CENPP: variants seen among roughly 807,000 people sequenced by gnomAD.
CENPP encodes centromere protein P.
In CENPP, 24 loss-of-function variants were observed where a neutral mutation model predicts 35.6. The ratio of observed to expected loss-of-function variants is 0.67; its 90% confidence interval spans 0.49 to 0.95. The LOEUF is 0.95. Ranked by LOEUF, CENPP falls within the 40% of genes least tolerant of loss-of-function variation. The pLI, the probability that CENPP is intolerant of heterozygous loss-of-function variation, is 0.00. For synonymous variants in CENPP, 120 were observed against 125.5 expected, an observed-to-expected ratio of 0.96 and a Z score of 0.29; for missense variants, 332 against 345.3, an observed-to-expected ratio of 0.96 and a Z score of 0.31.
chr9:92,361,284 G>A (rs1214686381), intron 4 of CENPP, among the ~76,000 whole-genome samples: 2 of 151,204 alleles, frequency 1.3e-5, no homozygotes, highest in Non-Finnish European at 2.9e-5. Flanking sequence ...GGGACTACAG[G>A]CACATGCCAC....
intron 4 of CENPP, among the ~76,000 whole-genome samples, chr9:92,350,847 TTC>T (rs766394053): frequency 5.3e-5 from 8 of 152,186 alleles, no homozygotes; most frequent in Non-Finnish European, 1.2e-4. Flanking sequence ...GGTTTTTTTG[TTC>T]ACTATTGCCC....
intron 5 of CENPP, among the ~76,000 whole-genome samples, chr9:92,450,298 A>G (rs528211351): frequency 2.5e-4 from 32 of 128,000 alleles, no homozygotes; most frequent in African/African-American, 7.9e-4. Flanking sequence ...TCCTGTGTCC[A>G]TGTGTTCTCA....
chr9:92,533,329 ATATATAT>A lies in CENPP; in HGVS notation c.565-77984_565-77978del, dbSNP rs1459844036. The stretch of plus-strand genomic sequence containing the variant: ...AAAAAAAAAAAAAAAAAAAAAAAAA[ATATATAT>A]ATATATATATATATATATATATGCT... On this transcript the variant is annotated intron_variant, in intron 5 of 7. Coordinates refer to ENST00000375587, the MANE Select transcript of CENPP (RefSeq NM_001012267.3). Among the ~76,000 whole-genome samples the A allele has an allele frequency of 2.2e-3, 97 of 43,530 alleles. 4 individuals carry two copies. The East Asian group carries it at 0.027, about 12-fold the overall frequency. 28.6% of individuals were successfully genotyped at this position (43,530 alleles called of 152,430 possible).
chr9:92,428,017 A>G (rs1844011663), intron 5 of CENPP, among the ~76,000 whole-genome samples: 1 of 152,156 alleles, frequency 6.6e-6, no homozygotes, highest in East Asian at 1.9e-4. Context: ...TCTAAATGGA[A>G]TCAAGTTTGT....
At chr9:92,523,030 G>T in intron 5 of CENPP, 3 of 819,346 alleles carry the variant, frequency 3.7e-6, no homozygotes, top group South Asian at 2.1e-5. Context: ...ATATGCTATA[G>T]TATTATTGCC....
chr9:92,334,821 A>G (rs1399295840), intron 2 of CENPP, among the ~76,000 whole-genome samples: 1 of 150,674 alleles, frequency 6.6e-6, no homozygotes, highest in African/African-American at 2.4e-5. Context: ...CGGAGGTTGC[A>G]GTGAGCTGAG....
chr9:92,462,305 G>A (rs2131049048), intron 5 of CENPP, among the ~76,000 whole-genome samples: 1 of 152,246 alleles, frequency 6.6e-6, no homozygotes, highest in East Asian at 1.9e-4. Context: ...AGTAGTTTTT[G>A]TGTAAGCTAA....
At chr9:92,604,866 T>C (rs186892850) in intron 5 of CENPP, among the ~76,000 whole-genome samples, 1 of 152,270 alleles carries the variant, frequency 6.6e-6, no homozygotes, top group Non-Finnish European at 1.5e-5. Context: ...GGTGCTGGGA[T>C]TACAAGCATG....
At chr9:92,505,613 G>A in intron 5 of CENPP, 1 of 1,611,048 alleles carries the variant, frequency 6.2e-7, no homozygotes, top group Non-Finnish European at 8.5e-7. Flanking sequence ...CTCTTCAAAG[G>A]TTTGAAAGCT....
At chr9:92,560,447 A>G (rs1012145465) in intron 5 of CENPP, among the ~76,000 whole-genome samples, 7 of 152,198 alleles carry the variant, frequency 4.6e-5, no homozygotes, top group Non-Finnish European at 8.8e-5. Context: ...AGCTGATTGC[A>G]AAGTCTTAAT....
rs778278321 is a variant in CENPP, at chr9:92,616,250, T to C, written c.*3101T>C. On this transcript the variant is annotated 3_prime_UTR_variant, in exon 8 of 8. Transcript: ENST00000375587. ...CACCCCAGCTCACAAAGAGCACTCG[T>C]TCTGTGCACCTGTGATCTGTGCGTG... is the stretch of plus-strand genomic sequence containing the variant. 7.4e-6 allele frequency: 4 copies of C among 543,174 alleles called. No individual in the cohort carries two copies. Among genetic ancestry groups the C allele is most frequent in the Non-Finnish European group, 1.3e-5 (4 of 301,830 alleles). The allele number at this position is 543,174 out of a possible 1,614,324, so 33.6% of individuals were successfully genotyped here.
chr9:92,567,385 T>G (rs1180326752), intron 5 of CENPP, among the ~76,000 whole-genome samples: 7 of 95,504 alleles, frequency 7.3e-5, no homozygotes, highest in African/African-American at 3.8e-4. Flanking sequence ...TATATATATA[T>G]ATATATATAT....
intron 5 of CENPP, among the ~76,000 whole-genome samples, chr9:92,513,480 A>G (rs796577380): frequency 2.6e-5 from 4 of 152,328 alleles, no homozygotes; most frequent in African/African-American, 9.6e-5. Context: ...TTAGGTCCAC[A>G]CAAACATCTG....
chr9:92,367,557 T>C (rs752812402), intron 4 of CENPP, among the ~76,000 whole-genome samples: 1 of 152,168 alleles, frequency 6.6e-6, no homozygotes, highest in Non-Finnish European at 1.5e-5. Flanking sequence ...GTCCCACAAC[T>C]GTTTCTTATG....
At chr9:92,337,200 C>CA (rs760752456) in intron 2 of CENPP, among the ~76,000 whole-genome samples, 11 of 152,196 alleles carry the variant, frequency 7.2e-5, no homozygotes, top group Non-Finnish European at 1.5e-4. Flanking sequence ...CACCTGTAAT[C>CA]CCAGCTACTC....
chr9:92,401,916 C>A lies in CENPP; in HGVS notation c.564+22057C>A, dbSNP rs113532717. The stretch of plus-strand genomic sequence containing the variant: ...TGTTCCATTTTAGTCTCGGTCTTGA[C>A]TCCTGACTCTGCCCTTCACCTTCAT... On this transcript the variant is annotated intron_variant, in intron 5 of 7. Coordinates refer to ENST00000375587, the MANE Select transcript of CENPP (RefSeq NM_001012267.3). Among the ~76,000 whole-genome samples, 713 of 152,284 alleles carry A rather than the reference C, an allele frequency of 4.7e-3. 4 individuals carry two copies. Among genetic ancestry groups the A allele is most frequent in the African/African-American group, 0.015 (637 of 41,562 alleles).
chr9:92,605,441 T>G lies in CENPP; in HGVS notation c.565-5873T>G, dbSNP rs368093213. Reference sequence around the variant, plus strand: ...TAGGGTAAATTTTGCCAGCATCTTATGCCACGGTGTGACCTCACAGATGTT... The same window carrying G: ...TAGGGTAAATTTTGCCAGCATCTTAGGCCACGGTGTGACCTCACAGATGTT... On this transcript the variant is annotated intron_variant, in intron 5 of 7. Transcript: ENST00000375587. 1.2e-4 allele frequency among the ~76,000 whole-genome samples: 18 copies of G among 152,330 alleles called. No homozygotes were observed. The East Asian group carries it at 2.5e-3, about 21-fold the overall frequency.
At chr9:92,454,887 T>C (rs1844829061) in intron 5 of CENPP, among the ~76,000 whole-genome samples, 1 of 152,168 alleles carries the variant, frequency 6.6e-6, no homozygotes, top group African/African-American at 2.4e-5. Context: ...AATCATACTA[T>C]CATCATCCCT....
chr9:92,401,703 C>T (rs1843118105), intron 5 of CENPP, among the ~76,000 whole-genome samples: 1 of 152,170 alleles, frequency 6.6e-6, no homozygotes, highest in African/African-American at 2.4e-5. Context: ...AGCCCTGGCT[C>T]TTGGATCCCT....
Sources: allele counts gnomAD v4.1 joint callset (sites outside exome capture counted in the v4.1 genomes callset), GRCh38; gene constraint gnomAD v4.1.1; transcripts MANE v1.5; gene names NCBI Gene and HGNC (gene_info 2026-07-23, HGNC 2026-07-21).